Variants in ITGA11 observed in about 807,000 individuals in gnomAD.
The protein encoded by ITGA11 is integrin subunit alpha 11, also known as integrin alpha-11.
Under a neutral mutation model 141.9 loss-of-function variants are expected in ITGA11, and 97 were observed. The observed-to-expected ratio is 0.68, with a 90% confidence interval of 0.58 to 0.81. The LOEUF (loss-of-function observed/expected upper bound fraction) is 0.81, where lower values mean the gene tolerates loss of function less well. Among genes scored for constraint, ITGA11 ranks in the 30% least tolerant of loss-of-function variants. The pLI is 0.00. For synonymous variants in ITGA11, 658 were observed against 624.6 expected (o/e 1.05, Z -0.80); for missense variants, 1,387 against 1,559.2 (o/e 0.89, Z 1.86).
At chr15:68,378,324 A>G (rs1895778306) in intron 2 of ITGA11, among the ~76,000 whole-genome samples, 1 of 151,938 alleles carries the variant, frequency 6.6e-6, no homozygotes, top group Non-Finnish European at 1.5e-5. Flanking sequence ...CCCTTTTTCT[A>G]CTGATAGACG....
chr15:68,410,477 A>T (rs1222414854), intron 1 of ITGA11, among the ~76,000 whole-genome samples: 1 of 152,260 alleles, frequency 6.6e-6, no homozygotes, highest in Non-Finnish European at 1.5e-5. Flanking sequence ...AGAAAAGACC[A>T]TAAGCTGGCC....
chr15:68,339,466 G>A (rs1894489588), intron 11 of ITGA11, 34 bp downstream of exon 11: 7 of 1,590,876 alleles, frequency 4.4e-6, no homozygotes, highest in Middle Eastern at 1.7e-4. Flanking sequence ...CCCGGCCCAC[G>A]ACCCGCCAGC....
rs372532925 is a variant in ITGA11, at chr15:68,321,398, G to A, written c.2408+20C>T. The A allele has an allele frequency of 4.6e-6, 7 of 1,517,916 alleles. No homozygotes were observed. Among genetic ancestry groups the A allele is most frequent in the Non-Finnish European group, 2.7e-6 (3 of 1,118,754 alleles). The allele number at this position is 1,517,916 out of a possible 1,614,324, so 94.0% of individuals were successfully genotyped here. On this transcript the variant is annotated intron_variant, in intron 19 of 29. Coordinates refer to ENST00000315757, the MANE Select transcript of ITGA11 (RefSeq NM_001004439.2). The surrounding 1 kb of genome is among the most constrained non-coding windows in gnomAD (Gnocchi z 4.9). ...GTGAAGGGGAAGGGGCGAGGGTGGGGGTGGAAGGAGCCAACTCACATGGCC... is the reference window on the plus strand; with the variant it reads ...GTGAAGGGGAAGGGGCGAGGGTGGGAGTGGAAGGAGCCAACTCACATGGCC...
At chr15:68,408,471 C>A (rs2140420635) in intron 1 of ITGA11, among the ~76,000 whole-genome samples, 1 of 152,220 alleles carries the variant, frequency 6.6e-6, no homozygotes, top group Non-Finnish European at 1.5e-5. Flanking sequence ...TTGGGTCTAG[C>A]ACTTAGCACA....
chr15:68,339,432 G>A (rs139266394), intron 11 of ITGA11, 68 bp downstream of exon 11: 3 of 1,524,610 alleles, frequency 2.0e-6, no homozygotes, highest in African/African-American at 2.7e-5. Flanking sequence ...GTGGGCTGGG[G>A]GTTGTGCAGC....
chr15:68,316,373 C>T (rs2140280160), intron 21 of ITGA11, among the ~76,000 whole-genome samples: 1 of 152,360 alleles, frequency 6.6e-6, no homozygotes, highest in South Asian at 2.1e-4. Context: ...GGGGGCATTA[C>T]TGAGGCTTTG....
chr15:68,346,187 T>C (rs1348059574), intron 10 of ITGA11, among the ~76,000 whole-genome samples: 1 of 152,050 alleles, frequency 6.6e-6, no homozygotes, highest in Non-Finnish European at 1.5e-5. Context: ...AAGTTGAGCA[T>C]ATGTGGAAGG....
chr15:68,407,127 C>T (rs1896668018), intron 1 of ITGA11, among the ~76,000 whole-genome samples: 1 of 152,132 alleles, frequency 6.6e-6, no homozygotes, highest in African/African-American at 2.4e-5. Flanking sequence ...ATTGCCTCTG[C>T]CTTTGGGTTC....
intron 1 of ITGA11, among the ~76,000 whole-genome samples, chr15:68,406,734 T>C (rs1896658736): frequency 6.6e-6 from 1 of 152,182 alleles, no homozygotes; most frequent in Non-Finnish European, 1.5e-5. Flanking sequence ...TAGATACTGG[T>C]TGACTGAACA....
At chr15:68,372,265 G>A (rs76407271) in intron 2 of ITGA11, among the ~76,000 whole-genome samples, 20 of 152,300 alleles carry the variant, frequency 1.3e-4, no homozygotes, top group African/African-American at 4.3e-4. Context: ...CTGCCGAAGC[G>A]CAGGGAAAAT....
chr15:68,363,601 G>GA (rs1413020299), intron 4 of ITGA11, among the ~76,000 whole-genome samples: 1 of 152,168 alleles, frequency 6.6e-6, no homozygotes, highest in Non-Finnish European at 1.5e-5. Flanking sequence ...TTTGTCAGCA[G>GA]AAATAGACCA....
intron 1 of ITGA11, among the ~76,000 whole-genome samples, chr15:68,419,261 C>CA (rs1188688492): frequency 2.0e-5 from 3 of 152,130 alleles, no homozygotes; most frequent in African/African-American, 7.2e-5. Flanking sequence ...TTCATGGTTG[C>CA]AAAACGATCT....
chr15:68,335,758 AT>A lies in ITGA11; in HGVS notation c.1363del (p.Ile455SerfsTer22), dbSNP rs1567134005. 1 of 1,613,776 alleles carries A rather than the reference AT, an allele frequency of 6.2e-7. No homozygotes were observed. The highest frequency in any genetic ancestry group is 1.3e-5 in the African/African-American group (1 of 74,920). Reference protein sequence around the residue: ...APRFNHTGKVILFTMHNNRSL... With the variant: ...APRFNHTGKVXLFTMHNNRSL... ...CCGGTTGTTGTGCATGGTGAACAGGATGACCTTGCCCGTGTGGTTGAACCGG... is the reference window on the plus strand; with the variant it reads ...CCGGTTGTTGTGCATGGTGAACAGGAGACCTTGCCCGTGTGGTTGAACCGG... On this transcript the variant is annotated frameshift_variant, in exon 12 of 30. Transcript: ENST00000315757. LOFTEE classifies it high-confidence loss of function. The surrounding 1 kb of genome is among the most constrained non-coding windows in gnomAD (Gnocchi z 4.9).
Position 68,333,836 on chromosome 15 carries a change from C to T in ITGA11, c.1426-1358G>A, listed in dbSNP as rs1894258239. Among the ~76,000 whole-genome samples, 1 of 152,212 alleles carries T rather than the reference C, an allele frequency of 6.6e-6. No individual in the cohort carries two copies. The highest frequency in any genetic ancestry group is 1.5e-5 in the Non-Finnish European group (1 of 68,030). On this transcript the variant is annotated intron_variant, in intron 12 of 29. Coordinates refer to ENST00000315757, the MANE Select transcript of ITGA11 (RefSeq NM_001004439.2). The surrounding 1 kb of genome is among the most constrained non-coding windows in gnomAD (Gnocchi z 4.2). ...CAGCCTCTGTCCCCACAAGCTCCTG[C>T]TCCCACTGCAGTGCTCCCGGGTCCT...
At position 68,331,854 on chromosome 15, in the gene ITGA11, C is replaced by T. The variant is rs778709223; in HGVS notation, c.1770+5G>A. Reference sequence around the variant, plus strand: ...GCTCCATCCGCTTCCCCAGGGAAGCCTGACCTGCTTAGGTGTCTTCAGGAT... The same window carrying T: ...GCTCCATCCGCTTCCCCAGGGAAGCTTGACCTGCTTAGGTGTCTTCAGGAT... On this transcript the variant is annotated splice_donor_5th_base_variant and intron_variant, in intron 14 of 29. Coordinates refer to ENST00000315757, the MANE Select transcript of ITGA11 (RefSeq NM_001004439.2). 5.6e-6 allele frequency: 9 copies of T among 1,609,212 alleles called. No individual in the cohort carries two copies. The highest frequency in any genetic ancestry group is 7.6e-6 in the Non-Finnish European group (9 of 1,177,906).
intron 1 of ITGA11, among the ~76,000 whole-genome samples, chr15:68,411,849 G>A (rs1237434336): frequency 6.6e-6 from 1 of 152,086 alleles, no homozygotes; most frequent in Non-Finnish European, 1.5e-5. Context: ...CTGCTTGCTG[G>A]CACTTCTGGC....
At chr15:68,306,189 CAA>C (rs1234651031) in intron 28 of ITGA11, among the ~76,000 whole-genome samples, 9 of 82,992 alleles carry the variant, frequency 1.1e-4, no homozygotes, top group Admixed American at 2.9e-4. Context: ...GACTCCGTCT[CAA>C]AAAAAAAAAA....
intron 16 of ITGA11, among the ~76,000 whole-genome samples, chr15:68,327,498 G>T (rs545288305): frequency 1.1e-4 from 17 of 152,310 alleles, no homozygotes; most frequent in African/African-American, 4.1e-4. Flanking sequence ...CTGCTCCTTG[G>T]CTGAGAGACT....
intron 1 of ITGA11, among the ~76,000 whole-genome samples, chr15:68,409,899 C>T (rs1490272150): frequency 6.6e-6 from 1 of 152,212 alleles, no homozygotes; most frequent in East Asian, 1.9e-4. Flanking sequence ...TCCAGCCCAT[C>T]ACCATCAAGT....
Sources: allele counts gnomAD v4.1 joint callset (sites outside exome capture counted in the v4.1 genomes callset), GRCh38; gene constraint gnomAD v4.1.1; non-coding constraint Gnocchi (gnomAD v3.1); transcripts MANE v1.5; gene names NCBI Gene and HGNC (gene_info 2026-07-23, HGNC 2026-07-21).